PRKCE: variants seen among roughly 807,000 people sequenced by gnomAD.
PRKCE encodes protein kinase C epsilon type.
A neutral mutation model predicts 85.4 loss-of-function variants in PRKCE; 16 were observed. That is an observed-to-expected ratio of 0.19 (90% CI 0.13 to 0.28). The LOEUF (loss-of-function observed/expected upper bound fraction) is 0.28. Among genes scored for constraint, PRKCE ranks in the 10% least tolerant of loss-of-function variants. The probability of loss-of-function intolerance (pLI) is 1.00; values close to 1 mark genes in which losing one functional copy is unlikely to be tolerated. For synonymous variants in PRKCE, 388 were observed against 371.5 expected, an observed-to-expected ratio of 1.04 and a Z score of -0.51; for missense variants, 573 against 975.2, an observed-to-expected ratio of 0.59 and a Z score of 5.49.
At chr2:46,110,033 C>A (rs112616789) in intron 11 of PRKCE, among the ~76,000 whole-genome samples, 3,130 of 152,244 alleles carry the variant, frequency 0.021, 31 homozygotes, top group Non-Finnish European at 0.034. Context: ...GCCTTGCATA[C>A]CTTGAATAAA....
chr2:45,972,246 C>T (rs538899299), intron 2 of PRKCE, among the ~76,000 whole-genome samples: 6 of 152,230 alleles, frequency 3.9e-5, no homozygotes, highest in African/African-American at 1.4e-4. Flanking sequence ...ACCTGTATAC[C>T]TGTTGGCCAT....
At chr2:46,166,090 C>A (rs995316163) in intron 14 of PRKCE, among the ~76,000 whole-genome samples, 2 of 152,238 alleles carry the variant, frequency 1.3e-5, no homozygotes, top group Non-Finnish European at 2.9e-5. Context: ...CATGGCGGGA[C>A]CCCCGAGGGA....
intron 10 of PRKCE, among the ~76,000 whole-genome samples, chr2:46,075,355 A>G (rs922839884): frequency 5.3e-5 from 8 of 152,050 alleles, no homozygotes; most frequent in Non-Finnish European, 7.4e-5. Flanking sequence ...ATCTTATAAG[A>G]AATATTTCAT....
At chr2:46,002,122 C>G (rs550246666) in intron 7 of PRKCE, among the ~76,000 whole-genome samples, 1 of 152,288 alleles carries the variant, frequency 6.6e-6, no homozygotes, top group African/African-American at 2.4e-5. Context: ...AAGAAGAGAT[C>G]CATTTGCCAA....
intron 2 of PRKCE, among the ~76,000 whole-genome samples, chr2:45,969,228 C>G (rs1202235397): frequency 6.6e-6 from 1 of 151,848 alleles, no homozygotes; most frequent in Non-Finnish European, 1.5e-5. Flanking sequence ...TCCCCACAGC[C>G]AAGTTCTCCA....
At chr2:45,679,663 A>C (rs1486408830) in intron 1 of PRKCE, among the ~76,000 whole-genome samples, 1 of 152,300 alleles carries the variant, frequency 6.6e-6, no homozygotes. Context: ...GAGTGGGTGC[A>C]TGTGGAACAC....
At chr2:46,064,238 T>TGC (rs1667410853) in intron 10 of PRKCE, among the ~76,000 whole-genome samples, 1 of 131,434 alleles carries the variant, frequency 7.6e-6, no homozygotes, top group Non-Finnish European at 1.5e-5. Context: ...GCCAAGATCA[T>TGC]ACCACTGCAT....
At chr2:46,166,731 C>G (rs952267769) in intron 14 of PRKCE, 9 of 152,220 alleles carry the variant, frequency 5.9e-5, no homozygotes, top group African/African-American at 2.2e-4. Context: ...TGGTTCATAC[C>G]TATAATTCCA....
At chr2:46,035,642 T>C (rs1051625213) in intron 10 of PRKCE, among the ~76,000 whole-genome samples, 3 of 152,260 alleles carry the variant, frequency 2.0e-5, no homozygotes, top group African/African-American at 7.2e-5. Context: ...ATTTGGCATA[T>C]GCCATATATG....
intron 1 of PRKCE, among the ~76,000 whole-genome samples, chr2:45,799,784 A>C (rs1256298057): frequency 6.6e-6 from 1 of 152,128 alleles, no homozygotes; most frequent in Non-Finnish European, 1.5e-5. Flanking sequence ...AGAAGATTCC[A>C]TTTCTTCTTG....
In PRKCE at chr2:45,905,430, A is replaced by T. The variant is rs1382209637; in HGVS notation, c.412+62367A>T. ...TAGGAGACTAGTGCTGAGAGAGCTG[A>T]AATCTATTTTGCTGAGGCCAAATTG... On this transcript the variant is annotated intron_variant, in intron 2 of 14. Coordinates refer to ENST00000306156, the MANE Select transcript of PRKCE (RefSeq NM_005400.3). The surrounding 1 kb of genome is among the most constrained non-coding windows in gnomAD (Gnocchi z 4.4). 1.3e-5 allele frequency among the ~76,000 whole-genome samples: 2 copies of T among 152,248 alleles called. No individual in the cohort carries two copies. The highest frequency in any genetic ancestry group is 2.9e-5 in the Non-Finnish European group (2 of 68,040).
At chr2:45,816,589 CT>C (rs1201004247) in intron 1 of PRKCE, among the ~76,000 whole-genome samples, 1 of 152,182 alleles carries the variant, frequency 6.6e-6, no homozygotes. Context: ...GTTTTCTTTC[CT>C]TAGCCTTAGA....
intron 11 of PRKCE, among the ~76,000 whole-genome samples, chr2:46,092,924 G>A (rs1461306827): frequency 1.3e-5 from 2 of 152,160 alleles, no homozygotes; most frequent in Non-Finnish European, 2.9e-5. Flanking sequence ...CTAACGTGTA[G>A]TCTCATCCTC....
intron 10 of PRKCE, among the ~76,000 whole-genome samples, chr2:46,072,563 C>T (rs1668169573): frequency 6.6e-6 from 1 of 152,204 alleles, no homozygotes; most frequent in Admixed American, 6.5e-5. Flanking sequence ...ACGGTCGGGA[C>T]CTTCAGGTCC....
chr2:45,740,945 G>A (rs1682507929), intron 1 of PRKCE, among the ~76,000 whole-genome samples: 1 of 152,148 alleles, frequency 6.6e-6, no homozygotes, highest in Admixed American at 6.5e-5. Context: ...ACTTTCCATT[G>A]TAGATATTAC....
intron 2 of PRKCE, among the ~76,000 whole-genome samples, chr2:45,969,905 T>C (rs1285256939): frequency 6.6e-6 from 1 of 152,240 alleles, no homozygotes; most frequent in Admixed American, 6.5e-5. Flanking sequence ...CTTCACCCTC[T>C]TAAAGTTGCT....
chr2:45,781,286 G>A (rs531908935), intron 1 of PRKCE, among the ~76,000 whole-genome samples: 8 of 152,280 alleles, frequency 5.3e-5, no homozygotes, highest in African/African-American at 1.4e-4. Context: ...GCAGTGAGCC[G>A]TGATCGCACC....
intron 1 of PRKCE, among the ~76,000 whole-genome samples, chr2:45,769,696 G>C (rs1284608686): frequency 6.6e-6 from 1 of 152,196 alleles, no homozygotes; most frequent in Non-Finnish European, 1.5e-5. Context: ...TCTTTAATGT[G>C]AAATTTGTAT....
chr2:45,837,980 A>G (rs987643765), intron 1 of PRKCE, among the ~76,000 whole-genome samples: 6 of 152,196 alleles, frequency 3.9e-5, no homozygotes. Flanking sequence ...CCACCCCAAA[A>G]AAGTCCCTAA....
Sources: gnomAD v4.1 joint callset for allele counts (sites outside exome capture counted in the v4.1 genomes callset) on GRCh38, gnomAD v4.1.1 for gene constraint, Gnocchi (gnomAD v3.1) non-coding constraint, MANE v1.5 for transcripts, NCBI Gene and HGNC (gene_info 2026-07-23, HGNC 2026-07-21) for gene names.